Variants in ARHGAP24 observed in about 807,000 individuals in gnomAD.
ARHGAP24 encodes the protein Rho GTPase activating protein 24.
A neutral mutation model predicts 76.4 loss-of-function variants in ARHGAP24; 50 were observed. The observed-to-expected ratio is 0.65, with a 90% CI of 0.52 to 0.83. The LOEUF (loss-of-function observed/expected upper bound fraction) is 0.83, where lower values mean the gene tolerates loss of function less well. ARHGAP24 is among the 40% of genes least tolerant of loss of function. ARHGAP24 has a pLI of 0.00. For synonymous variants in ARHGAP24, 345 were observed against 323.3 expected, an observed-to-expected ratio of 1.07 and a Z score of -0.72; for missense variants, 930 against 914.2, an observed-to-expected ratio of 1.02 and a Z score of -0.22.
intron 2 of ARHGAP24, among the ~76,000 whole-genome samples, chr4:85,633,743 G>A (rs1001959747): frequency 7.3e-5 from 11 of 151,626 alleles, no homozygotes; most frequent in Non-Finnish European, 1.6e-4. Context: ...TAGTTCAAAA[G>A]ACATACTTTT....
intron 1 of ARHGAP24, among the ~76,000 whole-genome samples, chr4:85,528,438 G>T (rs1725110881): frequency 1.3e-5 from 2 of 152,112 alleles, no homozygotes; most frequent in South Asian, 4.1e-4. Flanking sequence ...AAAAATTTCT[G>T]GTGTTAGTGT....
intron 3 of ARHGAP24, among the ~76,000 whole-genome samples, chr4:85,906,873 C>T (rs186968945): frequency 4.0e-4 from 61 of 152,158 alleles, no homozygotes; most frequent in Middle Eastern, 3.4e-3. Flanking sequence ...TAGGCGGATT[C>T]CTCTCACTTG....
chr4:85,983,534 C>T (rs1439562553), intron 8 of ARHGAP24, among the ~76,000 whole-genome samples: 3 of 152,156 alleles, frequency 2.0e-5, no homozygotes, highest in African/African-American at 7.2e-5. Flanking sequence ...ACAAAAACAA[C>T]CCCATTAAAA....
At chr4:85,895,018 A>G (rs1352007439) in intron 3 of ARHGAP24, among the ~76,000 whole-genome samples, 7 of 129,198 alleles carry the variant, frequency 5.4e-5, no homozygotes, top group Non-Finnish European at 1.2e-4. Context: ...AAAAAAAAAA[A>G]AAAGAAAAGA....
intron 4 of ARHGAP24, among the ~76,000 whole-genome samples, chr4:85,939,685 G>T (rs972749695): frequency 5.3e-5 from 8 of 151,998 alleles, no homozygotes; most frequent in Non-Finnish European, 8.8e-5. Context: ...TTTCTTCATC[G>T]CTTCCTTGGG....
intron 1 of ARHGAP24, among the ~76,000 whole-genome samples, chr4:85,563,391 T>A (rs556533071): frequency 1.9e-3 from 290 of 152,328 alleles, no homozygotes; most frequent in Admixed American, 4.6e-3. Flanking sequence ...AAGCCTCTTT[T>A]CTTGGCTTGT....
chr4:85,854,898 A>G (rs758833230), intron 3 of ARHGAP24, among the ~76,000 whole-genome samples: 7 of 152,232 alleles, frequency 4.6e-5, no homozygotes, highest in Non-Finnish European at 8.8e-5. Flanking sequence ...TGGTAACTCT[A>G]AAGTTCTGAA....
chr4:85,910,579 G>A (rs1031324195), intron 3 of ARHGAP24, among the ~76,000 whole-genome samples: 1 of 152,028 alleles, frequency 6.6e-6, no homozygotes, highest in Middle Eastern at 3.2e-3. Context: ...AGGTCGTCCC[G>A]TCATGTCTGC....
chr4:85,789,960 A>G (rs189994842), intron 3 of ARHGAP24, among the ~76,000 whole-genome samples: 1 of 152,238 alleles, frequency 6.6e-6, no homozygotes, highest in Admixed American at 6.5e-5. Flanking sequence ...CAATGCCCTG[A>G]CTTTACATAT....
Position 85,833,480 on chromosome 4 carries a change from T to G in ARHGAP24, c.269-90168T>G, listed in dbSNP as rs189676396. On this transcript the variant is annotated intron_variant, in intron 3 of 9. Transcript: ENST00000395184. ...TACTGTTTCACACTATCCTCTGACC[T>G]GGGGAAAAAAAAAACAACAACAACA... is the stretch of plus-strand genomic sequence containing the variant. Among the ~76,000 whole-genome samples the G allele has an allele frequency of 1.0e-2, 1,486 of 148,926 alleles. 21 individuals carry two copies. The highest frequency in any genetic ancestry group is 0.034 in the African/African-American group (1,397 of 40,794).
intron 3 of ARHGAP24, among the ~76,000 whole-genome samples, chr4:85,798,145 T>A (rs1414198712): frequency 6.6e-6 from 1 of 152,234 alleles, no homozygotes; most frequent in Admixed American, 6.5e-5. Flanking sequence ...AAGATATAAC[T>A]TCTTTTTTAA....
intron 3 of ARHGAP24, among the ~76,000 whole-genome samples, chr4:85,769,785 C>T (rs1238989440): frequency 6.6e-6 from 1 of 152,040 alleles, no homozygotes; most frequent in Non-Finnish European, 1.5e-5. Flanking sequence ...GACGGGGTTT[C>T]ACCATGTTAG....
chr4:85,693,055 G>C (rs1488443687), intron 2 of ARHGAP24, among the ~76,000 whole-genome samples: 2 of 152,214 alleles, frequency 1.3e-5, no homozygotes, highest in Non-Finnish European at 2.9e-5. Flanking sequence ...TTTCACAGGG[G>C]AGTATATAAG....
chr4:85,705,018 G>A (rs1297535085), intron 2 of ARHGAP24, among the ~76,000 whole-genome samples: 5 of 152,002 alleles, frequency 3.3e-5, no homozygotes, highest in Admixed American at 3.3e-4. Context: ...TTTTATGATT[G>A]ATATACCTAT....
At chr4:85,808,199 C>A (rs17010991) in intron 3 of ARHGAP24, among the ~76,000 whole-genome samples, 11,286 of 152,122 alleles carry the variant, frequency 0.074, 810 homozygotes, top group East Asian at 0.39. Flanking sequence ...CTGTAGCAGG[C>A]ATCAATATAA....
At chr4:85,629,474 T>G (rs1435047855) in intron 2 of ARHGAP24, among the ~76,000 whole-genome samples, 1 of 152,156 alleles carries the variant, frequency 6.6e-6, no homozygotes, top group Non-Finnish European at 1.5e-5. Flanking sequence ...TTCACATTGT[T>G]TGTTAGCATC....
intron 1 of ARHGAP24, among the ~76,000 whole-genome samples, chr4:85,495,436 T>TCC (rs1468045958): frequency 5.9e-4 from 85 of 145,230 alleles, no homozygotes; most frequent in Non-Finnish European, 1.0e-3. Flanking sequence ...CTGCAAGCCT[T>TCC]GCCTCCCGGG....
chr4:85,672,258 T>C (rs936417504), intron 2 of ARHGAP24, among the ~76,000 whole-genome samples: 1 of 152,234 alleles, frequency 6.6e-6, no homozygotes, highest in African/African-American at 2.4e-5. Flanking sequence ...TAAGCCATGT[T>C]GTGGCCAGAT....
intron 2 of ARHGAP24, among the ~76,000 whole-genome samples, chr4:85,669,551 C>T (rs186717768): frequency 2.4e-3 from 368 of 150,630 alleles, no homozygotes; most frequent in Non-Finnish European, 4.2e-3. Flanking sequence ...TATGTAGGTA[C>T]GCACACATGT....
Sources: allele counts gnomAD v4.1 joint callset (sites outside exome capture counted in the v4.1 genomes callset), GRCh38; gene constraint gnomAD v4.1.1; transcripts MANE v1.5; gene names NCBI Gene and HGNC (gene_info 2026-07-23, HGNC 2026-07-21).